Variants in SLC24A3 observed in about 807,000 individuals in gnomAD.
SLC24A3 encodes the protein solute carrier family 24 member 3, also known as sodium/potassium/calcium exchanger 3.
In SLC24A3, 28 loss-of-function variants were observed where a neutral mutation model predicts 75.8. The observed-to-expected ratio is 0.37, with a 90% confidence interval of 0.27 to 0.51. The LOEUF is 0.51. SLC24A3 is among the 20% of genes least tolerant of loss of function. SLC24A3 has a pLI of 0.94. For missense variants in SLC24A3, 663 were observed against 847.8 expected, an observed-to-expected ratio of 0.78 and a Z score of 2.71; for synonymous variants, 372 against 334.1, an observed-to-expected ratio of 1.11 and a Z score of -1.24.
At chr20:19,264,307 C>G (rs1006144844) in intron 1 of SLC24A3, among the ~76,000 whole-genome samples, 2 of 152,170 alleles carry the variant, frequency 1.3e-5, no homozygotes, top group Non-Finnish European at 2.9e-5. Context: ...ACCCTCGGCT[C>G]TCCTCTGGTG....
At chr20:19,396,027 A>G (rs1986447629) in intron 2 of SLC24A3, among the ~76,000 whole-genome samples, 1 of 152,182 alleles carries the variant, frequency 6.6e-6, no homozygotes, top group Admixed American at 6.5e-5. Flanking sequence ...AACATGACAC[A>G]ACAATGATTA....
intron 2 of SLC24A3, among the ~76,000 whole-genome samples, chr20:19,409,784 TAC>T (rs557775696): frequency 1.3e-3 from 190 of 151,926 alleles, no homozygotes; most frequent in Non-Finnish European, 2.2e-3. Context: ...TAAAAAACTA[TAC>T]ACAGTTATAT....
chr20:19,578,104 T>C (rs1011478098), intron 3 of SLC24A3, among the ~76,000 whole-genome samples: 1 of 152,192 alleles, frequency 6.6e-6, no homozygotes, highest in Non-Finnish European at 1.5e-5. Flanking sequence ...GATCATTTCA[T>C]GCTTGGGTTG....
intron 2 of SLC24A3, among the ~76,000 whole-genome samples, chr20:19,466,636 C>T (rs1987770222): frequency 6.6e-6 from 1 of 152,160 alleles, no homozygotes; most frequent in Non-Finnish European, 1.5e-5. Context: ...TAAGTCGCCA[C>T]AGGATCTCAT....
chr20:19,384,789 C>T (rs763471662), intron 2 of SLC24A3, among the ~76,000 whole-genome samples: 1 of 152,144 alleles, frequency 6.6e-6, no homozygotes, highest in Non-Finnish European at 1.5e-5. Flanking sequence ...CTAATTATAT[C>T]GCCACCAAAA....
At chr20:19,329,973 C>T (rs750557618) in intron 2 of SLC24A3, among the ~76,000 whole-genome samples, 3 of 152,142 alleles carry the variant, frequency 2.0e-5, no homozygotes, top group Non-Finnish European at 4.4e-5. Flanking sequence ...ACCCCTCGAG[C>T]TGGTTGGAAT....
intron 3 of SLC24A3, 133 bp downstream of exon 3, chr20:19,515,697 G>C: frequency 1.3e-6 from 1 of 779,518 alleles, no homozygotes; most frequent in Non-Finnish European, 2.1e-6. Context: ...GGGGTCCTTC[G>C]AGCTCTGTAG....
intron 3 of SLC24A3, among the ~76,000 whole-genome samples, chr20:19,555,135 T>C (rs2030762428): frequency 6.6e-6 from 1 of 152,182 alleles, no homozygotes; most frequent in Non-Finnish European, 1.5e-5. Flanking sequence ...TCAAATAGAA[T>C]TTAGCAACCC....
chr20:19,270,752 T>C (rs1442906553), intron 1 of SLC24A3, among the ~76,000 whole-genome samples: 1 of 151,638 alleles, frequency 6.6e-6, no homozygotes, highest in African/African-American at 2.4e-5. Flanking sequence ...ATTGTATGTA[T>C]GTGAGTGTGG....
At chr20:19,431,721 C>CAA (rs5840841) in intron 2 of SLC24A3, among the ~76,000 whole-genome samples, 8,321 of 148,000 alleles carry the variant, frequency 0.056, 674 homozygotes, top group African/African-American at 0.18. Flanking sequence ...AGATTCACTT[C>CAA]AAAAAAAAAA....
intron 2 of SLC24A3, among the ~76,000 whole-genome samples, chr20:19,410,043 T>C (rs1422418606): frequency 6.6e-6 from 1 of 152,142 alleles, no homozygotes. Flanking sequence ...CGACAGTTTT[T>C]TGAATGCCAG....
chr20:19,532,442 A>G lies in SLC24A3; in HGVS notation c.348+16878A>G, dbSNP rs188325880. On this transcript the variant is annotated intron_variant, in intron 3 of 16. Coordinates refer to ENST00000328041, the MANE Select transcript of SLC24A3 (RefSeq NM_020689.4). ...CACTGTGGTTCATGGAGTCACCACC[A>G]CAGTGGGGCCCCATCTTGGAAATGA... Among the ~76,000 whole-genome samples the G allele has an allele frequency of 4.1e-4, 63 of 152,266 alleles. No homozygotes were observed. In the East Asian group the frequency reaches 0.012, roughly 28 times the overall value.
intron 2 of SLC24A3, among the ~76,000 whole-genome samples, chr20:19,456,380 A>G (rs563155715): frequency 2.1e-3 from 316 of 152,260 alleles, no homozygotes; most frequent in Non-Finnish European, 3.6e-3. Context: ...CGTGGTAGTG[A>G]ATAAGTCTCA....
intron 1 of SLC24A3, among the ~76,000 whole-genome samples, chr20:19,280,317 T>A (rs2122222936): frequency 6.6e-6 from 1 of 152,358 alleles, no homozygotes; most frequent in South Asian, 2.1e-4. Flanking sequence ...GTGGCACTCA[T>A]GAACCTATGC....
intron 2 of SLC24A3, among the ~76,000 whole-genome samples, chr20:19,337,624 A>T (rs1033718342): frequency 1.3e-5 from 2 of 152,034 alleles, no homozygotes; most frequent in Non-Finnish European, 2.9e-5. Flanking sequence ...TGCCTTGGGA[A>T]CCCTATTGTT....
At chr20:19,624,311 C>T (rs771413745) in intron 6 of SLC24A3, among the ~76,000 whole-genome samples, 6 of 152,144 alleles carry the variant, frequency 3.9e-5, no homozygotes, top group Non-Finnish European at 8.8e-5. Context: ...CATTCTAGAA[C>T]TCAGGCCTAG....
chr20:19,424,745 CAAAAAAAAAAAAA>C (rs528342351), intron 2 of SLC24A3, among the ~76,000 whole-genome samples: 2 of 49,160 alleles, frequency 4.1e-5, no homozygotes, highest in Non-Finnish European at 7.2e-5. Context: ...AAAACAACAA[CAAAAAAAAAAAAA>C]AAAAAAAAAA....
chr20:19,622,316 G>A (rs1253155430), intron 6 of SLC24A3, among the ~76,000 whole-genome samples: 2 of 152,178 alleles, frequency 1.3e-5, no homozygotes, highest in Non-Finnish European at 2.9e-5. Context: ...GGGCTAACCT[G>A]TGGAGAGCTC....
intron 6 of SLC24A3, among the ~76,000 whole-genome samples, chr20:19,609,231 GTTC>G (rs1394087851): frequency 1.3e-5 from 2 of 151,896 alleles, no homozygotes; most frequent in Admixed American, 1.3e-4. Context: ...ATTATCTTAT[GTTC>G]TTCTACCATT....
Sources: allele counts gnomAD v4.1 joint callset (sites outside exome capture counted in the v4.1 genomes callset), GRCh38; gene constraint gnomAD v4.1.1; transcripts MANE v1.5; gene names NCBI Gene and HGNC (gene_info 2026-07-23, HGNC 2026-07-21).